The following ADAMTSL1 variants were observed in gnomAD, a reference collection of about 807,000 sequenced individuals.
ADAMTSL1 encodes ADAMTS like 1.
Under a neutral mutation model 201.8 loss-of-function variants are expected in ADAMTSL1, and 126 were observed. That is an observed-to-expected ratio of 0.62 (90% CI 0.54 to 0.72). The LOEUF is 0.72. Ranked by LOEUF, ADAMTSL1 falls within the 30% of genes least tolerant of loss-of-function variation. ADAMTSL1 has a pLI of 0.00. For missense variants in ADAMTSL1, 2,679 were observed against 2,277.8 expected, an observed-to-expected ratio of 1.18 and a Z score of -3.59; for synonymous variants, 1,121 against 903.4, an observed-to-expected ratio of 1.24 and a Z score of -4.32.
At chr9:18,285,256 A>G (rs1166823152) in intron 2 of ADAMTSL1, among the ~76,000 whole-genome samples, 4 of 152,172 alleles carry the variant, frequency 2.6e-5, no homozygotes, top group Non-Finnish European at 5.9e-5. Flanking sequence ...AAATCATAAT[A>G]GCATTTATTG....
At chr9:18,063,472 C>G (rs1822550733) in intron 1 of ADAMTSL1, among the ~76,000 whole-genome samples, 1 of 152,244 alleles carries the variant, frequency 6.6e-6, no homozygotes, top group African/African-American at 2.4e-5. Flanking sequence ...TCTCTTTCCT[C>G]TTTTATCTAA....
intron 9 of ADAMTSL1, among the ~76,000 whole-genome samples, chr9:18,673,322 T>C (rs187971699): frequency 2.0e-5 from 3 of 152,302 alleles, no homozygotes; most frequent in East Asian, 1.9e-4. Context: ...GCTAGGGCCA[T>C]GGCATGAACC....
At chr9:17,987,028 T>C (rs112506199) in intron 1 of ADAMTSL1, among the ~76,000 whole-genome samples, 6,144 of 151,904 alleles carry the variant, frequency 0.04, 127 homozygotes, top group Non-Finnish European at 0.046. Context: ...AGGGGAAGAG[T>C]TCCCACTAAT....
At position 18,723,162 on chromosome 9, in the gene ADAMTSL1, A is replaced by T. The variant is rs917518333; in HGVS notation, c.2006+1497A>T. 3 of 721,752 alleles carry T rather than the reference A, an allele frequency of 4.2e-6. No homozygotes were observed. The South Asian group carries it at 4.4e-5, about 11-fold the overall frequency. 44.7% of individuals were successfully genotyped at this position (721,752 alleles called of 1,614,324 possible). ...TTATGTTTCCACATCTGCAAAGTGAACTGGTTGTACCTGATGATCTGAGAT... is the reference window on the plus strand; with the variant it reads ...TTATGTTTCCACATCTGCAAAGTGATCTGGTTGTACCTGATGATCTGAGAT... On this transcript the variant is annotated intron_variant, in intron 15 of 28. Transcript: ENST00000380548.
chr9:18,623,983 AGT>A (rs1335250195), intron 5 of ADAMTSL1, among the ~76,000 whole-genome samples: 4 of 152,192 alleles, frequency 2.6e-5, no homozygotes, highest in Non-Finnish European at 5.9e-5. Context: ...AGGCAGATGC[AGT>A]TATTCTGGTA....
At chr9:18,286,306 T>C (rs1187924923) in intron 2 of ADAMTSL1, among the ~76,000 whole-genome samples, 1 of 152,202 alleles carries the variant, frequency 6.6e-6, no homozygotes, top group Non-Finnish European at 1.5e-5. Flanking sequence ...ACATAAAATG[T>C]TCATGAAATA....
intron 2 of ADAMTSL1, among the ~76,000 whole-genome samples, chr9:18,269,448 T>C (rs1437860716): frequency 6.6e-6 from 1 of 152,086 alleles, no homozygotes; most frequent in Non-Finnish European, 1.5e-5. Flanking sequence ...AGAAGATATA[T>C]AACACATCAA....
intron 2 of ADAMTSL1, among the ~76,000 whole-genome samples, chr9:18,402,220 C>G (rs1032923847): frequency 6.6e-6 from 1 of 152,174 alleles, no homozygotes; most frequent in Non-Finnish European, 1.5e-5. Flanking sequence ...AACCATTCCT[C>G]TTCTACACCA....
At chr9:18,825,554 T>C (rs1423593101) in intron 21 of ADAMTSL1, among the ~76,000 whole-genome samples, 1 of 151,836 alleles carries the variant, frequency 6.6e-6, no homozygotes, top group African/African-American at 2.4e-5. Flanking sequence ...TTCATACATA[T>C]ATTTTAACGT....
At chr9:18,705,475 G>A (rs1342906242) in intron 13 of ADAMTSL1, among the ~76,000 whole-genome samples, 2 of 152,042 alleles carry the variant, frequency 1.3e-5, no homozygotes, top group Non-Finnish European at 2.9e-5. Flanking sequence ...GGAGATTTGG[G>A]TATTTTTCTA....
rs977592629 is a variant in ADAMTSL1, at chr9:18,376,335, A to G, written c.208-128494A>G. On this transcript the variant is annotated intron_variant, in intron 2 of 29. Coordinates refer to the ADAMTSL1 transcript ENST00000680146. Reference sequence around the variant, plus strand: ...TAATGCAAGATTGCAAGGAAATGTCAAGGGCTGTCACAGATAACATGGGTG... The same window carrying G: ...TAATGCAAGATTGCAAGGAAATGTCGAGGGCTGTCACAGATAACATGGGTG... Among the ~76,000 whole-genome samples the G allele has an allele frequency of 8.5e-5, 13 of 152,210 alleles. 1 individual carries two copies. The highest frequency in any genetic ancestry group is 2.9e-4 in the African/African-American group (12 of 41,462).
rs115739030 is a variant in ADAMTSL1 at position 18,593,580 on chromosome 9, C to T, written c.474+19314C>T. Among the ~76,000 whole-genome samples, 1,350 of 151,924 alleles carry T rather than the reference C, an allele frequency of 8.9e-3. 18 individuals carry two copies. Among genetic ancestry groups the T allele is most frequent in the African/African-American group, 0.031 (1,296 of 41,454 alleles). ...TCTTAGTACTGCTTATACTGTATCC[C>T]ATATATTTTGTTATGTCATGTTTTC... On this transcript the variant is annotated intron_variant, in intron 4 of 28. Coordinates refer to ENST00000380548, the MANE Select transcript of ADAMTSL1 (RefSeq NM_001040272.6).
intron 2 of ADAMTSL1, among the ~76,000 whole-genome samples, chr9:18,265,524 C>T (rs1205372626): frequency 2.0e-5 from 3 of 152,150 alleles, no homozygotes; most frequent in African/African-American, 4.8e-5. Flanking sequence ...CCAATAGAGT[C>T]TCAGTAACTA....
At chr9:18,217,182 G>A (rs1163906824) in intron 2 of ADAMTSL1, among the ~76,000 whole-genome samples, 2 of 152,160 alleles carry the variant, frequency 1.3e-5, no homozygotes, top group Non-Finnish European at 2.9e-5. Flanking sequence ...TTTTCAGTCA[G>A]AAAGTTAGGC....
intron 21 of ADAMTSL1, among the ~76,000 whole-genome samples, chr9:18,821,481 A>C (rs1824207851): frequency 6.6e-6 from 1 of 152,186 alleles, no homozygotes; most frequent in African/African-American, 2.4e-5. Context: ...AGCATACATT[A>C]AGACTTTTCA....
chr9:18,803,261 T>C (rs1234969295), intron 20 of ADAMTSL1, among the ~76,000 whole-genome samples: 1 of 152,174 alleles, frequency 6.6e-6, no homozygotes, highest in African/African-American at 2.4e-5. Flanking sequence ...AGGTCTATGG[T>C]CTGTGTTTTC....
At chr9:18,842,812 T>C (rs1038906495) in intron 23 of ADAMTSL1, among the ~76,000 whole-genome samples, 2 of 152,168 alleles carry the variant, frequency 1.3e-5, no homozygotes, top group African/African-American at 4.8e-5. Flanking sequence ...TCTCTTTTGA[T>C]CTTTGTTGGT....
chr9:18,400,017 T>C (rs200880978), intron 2 of ADAMTSL1, among the ~76,000 whole-genome samples: 103 of 152,334 alleles, frequency 6.8e-4, no homozygotes, highest in African/African-American at 2.1e-3. Context: ...TAATTAGTGA[T>C]GATTGATGAG....
chr9:18,232,801 A>G (rs568109877), intron 2 of ADAMTSL1, among the ~76,000 whole-genome samples: 117 of 152,340 alleles, frequency 7.7e-4, no homozygotes, highest in African/African-American at 2.7e-3. Flanking sequence ...GAAAAGTAGC[A>G]TCCTGCTCAA....
Sources: gnomAD v4.1 joint callset for allele counts (sites outside exome capture counted in the v4.1 genomes callset) on GRCh38, gnomAD v4.1.1 for gene constraint, MANE v1.5 for transcripts, NCBI Gene and HGNC (gene_info 2026-07-23, HGNC 2026-07-21) for gene names.